CACNA1C: variants seen among roughly 807,000 people sequenced by gnomAD.
CACNA1C encodes the protein voltage-dependent L-type calcium channel subunit alpha-1C.
In CACNA1C, 30 loss-of-function variants were observed where a neutral mutation model predicts 229.0. The ratio of observed to expected loss-of-function variants is 0.13; its 90% CI spans 0.10 to 0.18. The LOEUF (loss-of-function observed/expected upper bound fraction) is 0.18. Among genes scored for constraint, CACNA1C ranks in the 10% least tolerant of loss-of-function variants. The pLI is 1.00. For synonymous variants in CACNA1C, 1,114 were observed against 1,132.5 expected (o/e 0.98, Z 0.33); for missense variants, 1,658 against 2,845.0 (o/e 0.58, Z 9.49).
chr12:1,980,974 A>G (rs1313422314), intron 1 of CACNA1C, among the ~76,000 whole-genome samples: 2 of 152,094 alleles, frequency 1.3e-5, no homozygotes, highest in Non-Finnish European at 2.9e-5. Flanking sequence ...AATTTAAATA[A>G]AGTTCTATAA....
At chr12:2,123,929 G>A (rs1428838100) in intron 3 of CACNA1C, among the ~76,000 whole-genome samples, 1 of 152,142 alleles carries the variant, frequency 6.6e-6, no homozygotes, top group Non-Finnish European at 1.5e-5. Context: ...GCCCTTAGGA[G>A]AGCACCTTAG....
intron 3 of CACNA1C, among the ~76,000 whole-genome samples, chr12:2,164,663 G>C (rs1255551594): frequency 6.6e-6 from 1 of 152,200 alleles, no homozygotes; most frequent in African/African-American, 2.4e-5. Context: ...AGGGAGTGTT[G>C]AGTAGTGTTT....
intron 3 of CACNA1C, among the ~76,000 whole-genome samples, chr12:2,427,208 G>A (rs1046896101): frequency 1.5e-4 from 23 of 152,330 alleles, no homozygotes; most frequent in African/African-American, 5.5e-4. Context: ...AGGTTTATCA[G>A]CCTGCAGTTA....
intron 3 of CACNA1C, among the ~76,000 whole-genome samples, chr12:2,407,941 A>G (rs1300884132): frequency 6.6e-6 from 1 of 152,218 alleles, no homozygotes; most frequent in African/African-American, 2.4e-5. Flanking sequence ...ACCACAAGAA[A>G]CACTGCGGCT....
chr12:2,190,151 C>T (rs999834975), intron 3 of CACNA1C, among the ~76,000 whole-genome samples: 2 of 152,148 alleles, frequency 1.3e-5, no homozygotes, highest in East Asian at 3.9e-4. Flanking sequence ...GATGCGTTAC[C>T]AGGAAATGAC....
chr12:2,597,108 G>A lies in CACNA1C; in HGVS notation c.2794-122G>A. 1 of 694,168 alleles carries A rather than the reference G, an allele frequency of 1.4e-6. No homozygotes were observed. Among genetic ancestry groups the A allele is most frequent in the Admixed American group, 2.3e-5 (1 of 44,064 alleles). The allele number at this position is 694,168 out of a possible 1,614,324, so 43.0% of individuals were successfully genotyped here. A position where few individuals can be genotyped will look rare whatever the true frequency, so the allele number is the denominator to read the frequency against. On this transcript the variant is annotated intron_variant, in intron 20 of 46. Coordinates refer to ENST00000399655, the MANE Select transcript of CACNA1C (RefSeq NM_000719.7). This position sits in a 1 kb window ranked among gnomAD's most constrained non-coding sequence, Gnocchi z 4.3. ...TCTGTGTCCCTGTGCAAAGGCTTAAGTGCCAGGCATCTCATTTTGAAGTGT... is the reference window on the plus strand; with the variant it reads ...TCTGTGTCCCTGTGCAAAGGCTTAAATGCCAGGCATCTCATTTTGAAGTGT...
rs770311259 is a variant in CACNA1C, at chr12:2,486,211, C to A, written c.865C>A (p.Leu289Ile). 1.5e-5 allele frequency: 24 copies of A among 1,613,636 alleles called. No homozygotes were observed. The African/African-American group carries it at 2.5e-4, about 17-fold the overall frequency. Reference sequence around the variant, plus strand: ...CATCTACGCCATCATCGGCTTGGAGCTCTTCATGGGGAAGATGCACAAGAC... The same window carrying A: ...CATCTACGCCATCATCGGCTTGGAGATCTTCATGGGGAAGATGCACAAGAC... Reference protein sequence around the residue: ...IIIYAIIGLELFMGKMHKTCY... With the variant: ...IIIYAIIGLEIFMGKMHKTCY... The change falls in exon 6 of 47, where the codon CTC (leucine) becomes ATC (isoleucine). Residue 289 changes from leucine to isoleucine, a missense_variant. Transcript: ENST00000399655. This position sits in a 1 kb window ranked among gnomAD's most constrained non-coding sequence, Gnocchi z 4.9.
At chr12:2,023,493 C>G (rs1404488739) in intron 1 of CACNA1C, among the ~76,000 whole-genome samples, 1 of 152,176 alleles carries the variant, frequency 6.6e-6, no homozygotes, top group Non-Finnish European at 1.5e-5. Flanking sequence ...AGGATTTCCC[C>G]AGGAGAAGCT....
intron 3 of CACNA1C, among the ~76,000 whole-genome samples, chr12:2,435,175 A>T (rs1184656906): frequency 6.6e-6 from 1 of 152,032 alleles, no homozygotes; most frequent in Non-Finnish European, 1.5e-5. Flanking sequence ...GAGGTCACCG[A>T]CCTTGACCAG....
Position 2,488,522 on chromosome 12 carries a change from T to C in CACNA1C, c.916+2260T>C, listed in dbSNP as rs113997013. ...TGGAATGGCCAATTTAGGATCACATTGTCCACCCTTGATAGTAAACAGGAC... is the reference window on the plus strand; with the variant it reads ...TGGAATGGCCAATTTAGGATCACATCGTCCACCCTTGATAGTAAACAGGAC... On this transcript the variant is annotated intron_variant, in intron 6 of 46. Transcript: ENST00000399655. This position sits in a 1 kb window ranked among gnomAD's most constrained non-coding sequence, Gnocchi z 4.0. Among the ~76,000 whole-genome samples, 2,539 of 152,316 alleles carry C rather than the reference T, an allele frequency of 0.017. 73 individuals carry two copies. Among genetic ancestry groups the C allele is most frequent in the African/African-American group, 0.057 (2,367 of 41,558 alleles).
chr12:2,212,962 G>C (rs1599313920), intron 3 of CACNA1C, among the ~76,000 whole-genome samples: 1 of 152,178 alleles, frequency 6.6e-6, no homozygotes, highest in Non-Finnish European at 1.5e-5. Context: ...CAGTGATGTT[G>C]ATTGTTAAAA....
intron 3 of CACNA1C, among the ~76,000 whole-genome samples, chr12:2,336,511 A>G (rs917707825): frequency 9.2e-5 from 14 of 152,206 alleles, no homozygotes; most frequent in Non-Finnish European, 7.3e-5. Context: ...CTGGCTGCCC[A>G]GAGATATGTG....
Position 2,108,776 on chromosome 12 carries a change from C to A in CACNA1C, c.50-6448C>A, listed in dbSNP as rs2080307978. 5.9e-5 allele frequency among the ~76,000 whole-genome samples: 9 copies of A among 152,330 alleles called. No individual in the cohort carries two copies. In the South Asian group the frequency reaches 1.9e-3, roughly 32 times the overall value. On this transcript the variant is annotated intron_variant, in intron 1 of 46. Coordinates refer to ENST00000399655, the MANE Select transcript of CACNA1C (RefSeq NM_000719.7). This position sits in a 1 kb window ranked among gnomAD's most constrained non-coding sequence, Gnocchi z 5.3. ...TGTCCTCTCTGTTCACGTCCTCCAG[C>A]TATCTGTGTACTGCAATAGATAGGG...
rs566690044 is a variant in CACNA1C at position 2,284,945 on chromosome 12, T to G, written c.478-164031T>G. On this transcript the variant is annotated intron_variant, in intron 3 of 46. Transcript: ENST00000399655. ...AGCCACAGAATGGGCCAGGGCCATG[T>G]GTCTCCTTTCATTTCTCCAGCCTGC... 1.6e-4 allele frequency among the ~76,000 whole-genome samples: 24 copies of G among 152,364 alleles called. 1 individual carries two copies. Among genetic ancestry groups the G allele is most frequent in the African/African-American group, 5.8e-4 (24 of 41,588 alleles).
At chr12:2,569,041 C>G (rs1413857383) in intron 13 of CACNA1C, among the ~76,000 whole-genome samples, 1 of 152,112 alleles carries the variant, frequency 6.6e-6, no homozygotes, top group Non-Finnish European at 1.5e-5. Flanking sequence ...GCTGAAAATG[C>G]GTTCAAGATC....
chr12:2,353,724 G>A (rs1347963520), intron 3 of CACNA1C, among the ~76,000 whole-genome samples: 1 of 152,218 alleles, frequency 6.6e-6, no homozygotes, highest in Non-Finnish European at 1.5e-5. Flanking sequence ...GAGGAGATTT[G>A]AAGGGGAGGC....
intron 11 of CACNA1C, among the ~76,000 whole-genome samples, chr12:2,559,072 G>C (rs993224172): frequency 1.3e-5 from 2 of 152,162 alleles, no homozygotes; most frequent in African/African-American, 4.8e-5. Context: ...ATTAATAAAT[G>C]AATGATCTTG....
chr12:2,096,720 T>C (rs7298821), intron 1 of CACNA1C, among the ~76,000 whole-genome samples: 101,392 of 152,046 alleles, frequency 0.67, 33,873 homozygotes, highest in African/African-American at 0.69. Context: ...AACCAAAACT[T>C]TATAACCATT....
rs1307664274 is a variant in CACNA1C, at chr12:2,319,719, G to T, written c.478-129257G>T. On this transcript the variant is annotated intron_variant, in intron 3 of 46. Coordinates refer to ENST00000399655, the MANE Select transcript of CACNA1C (RefSeq NM_000719.7). The surrounding 1 kb of genome is among the most constrained non-coding windows in gnomAD (Gnocchi z 4.0). ...ATCTGGGGTGTCTGCAAATGTTGGT[G>T]CTCACGGGGGTGTGCTGGGCCGGGA... Among the ~76,000 whole-genome samples the T allele has an allele frequency of 2.6e-5, 4 of 152,132 alleles. No homozygotes were observed. Among genetic ancestry groups the T allele is most frequent in the Non-Finnish European group, 5.9e-5 (4 of 68,034 alleles).
Sources: allele counts gnomAD v4.1 joint callset (sites outside exome capture counted in the v4.1 genomes callset), GRCh38; gene constraint gnomAD v4.1.1; non-coding constraint Gnocchi (gnomAD v3.1); transcripts MANE v1.5; gene names NCBI Gene and HGNC (gene_info 2026-07-23, HGNC 2026-07-21).